DISP1: variants seen among roughly 807,000 people sequenced by gnomAD.
DISP1 encodes the protein dispatched RND transporter family member 1, also known as protein dispatched homolog 1.
A neutral mutation model predicts 37.3 loss-of-function variants in DISP1; 30 were observed. The observed-to-expected ratio is 0.80, with a 90% CI of 0.60 to 1.09. DISP1 has a LOEUF of 1.09. DISP1 is among the 50% of genes least tolerant of loss of function. The probability of loss-of-function intolerance (pLI) is 0.00; values close to 1 mark genes in which losing one functional copy is unlikely to be tolerated. For missense variants in DISP1, 1,598 were observed against 1,879.5 expected (o/e 0.85, Z 2.77); for synonymous variants, 634 against 690.2 (o/e 0.92, Z 1.28).
In DISP1 at chr1:222,889,916, A is replaced by G. The variant is rs528875660; in HGVS notation, c.-158-38514A>G. ...TCATAGCTTAGAGCTGTGCCTTTCA[A>G]GCTGTTTTATTGGCATATGTTTCTA... is the stretch of plus-strand genomic sequence containing the variant. On this transcript the variant is annotated intron_variant, in intron 1 of 8. Transcript: ENST00000675850. 2.6e-5 allele frequency among the ~76,000 whole-genome samples: 4 copies of G among 152,260 alleles called. No homozygotes were observed. The East Asian group carries it at 7.7e-4, about 29-fold the overall frequency.
chr1:223,004,875 A>G lies in DISP1; in HGVS notation c.3478A>G (p.Thr1160Ala), dbSNP rs774640911. The G allele has an allele frequency of 3.1e-6, 5 of 1,609,158 alleles. No homozygotes were observed. Among genetic ancestry groups the G allele is most frequent in the East Asian group, 2.2e-5 (1 of 44,882 alleles). Reference sequence around the variant, plus strand: ...CAGTGCCTTTTCCCATGCCTTGTCTACAAGTCCCAGTGACAAGGGACAAAG... The same window carrying G: ...CAGTGCCTTTTCCCATGCCTTGTCTGCAAGTCCCAGTGACAAGGGACAAAG... The part of the protein sequence containing the change: ...QCSAFSHALS[T>A]SPSDKGQSKT... The change falls in exon 9 of 9, where the codon ACA (threonine) becomes GCA (alanine). Residue 1160 changes from threonine (T) to alanine (A), a missense_variant. Physicochemically the swap from Thr to Ala is moderately conservative, Grantham distance 58 (BLOSUM62 0). Coordinates refer to ENST00000675850, the MANE Select transcript of DISP1 (RefSeq NM_001377229.1). The surrounding 1 kb of genome is among the most constrained non-coding windows in gnomAD (Gnocchi z 4.9).
chr1:222,928,932 A>G (rs1187357208), intron 2 of DISP1, among the ~76,000 whole-genome samples: 2 of 152,196 alleles, frequency 1.3e-5, no homozygotes, highest in African/African-American at 4.8e-5. Context: ...AAAATTTTCA[A>G]AATATGTGCT....
intron 1 of DISP1, among the ~76,000 whole-genome samples, chr1:222,903,982 G>A (rs535235886): frequency 1.6e-4 from 25 of 152,274 alleles, no homozygotes; most frequent in African/African-American, 4.8e-4. Context: ...CAGTGTTTGC[G>A]TGGCAGCCTT....
chr1:222,995,860 G>A (rs1306083123), intron 8 of DISP1, among the ~76,000 whole-genome samples: 1 of 152,136 alleles, frequency 6.6e-6, no homozygotes, highest in African/African-American at 2.4e-5. Context: ...GCAATCACCT[G>A]TTCGGTCAAC....
At chr1:222,851,556 A>C (rs2125310030) in intron 1 of DISP1, among the ~76,000 whole-genome samples, 1 of 152,276 alleles carries the variant, frequency 6.6e-6, no homozygotes, top group African/African-American at 2.4e-5. Context: ...AAAAAGTGTT[A>C]CTCAGCACAT....
At chr1:222,996,908 A>G (rs903777499) in intron 8 of DISP1, among the ~76,000 whole-genome samples, 2 of 152,056 alleles carry the variant, frequency 1.3e-5, no homozygotes, top group Non-Finnish European at 2.9e-5. Flanking sequence ...TTTTTTCTTA[A>G]AGAGCTAGCA....
chr1:222,880,570 C>T (rs769938163), intron 1 of DISP1, among the ~76,000 whole-genome samples: 10 of 152,192 alleles, frequency 6.6e-5, no homozygotes, highest in Non-Finnish European at 1.0e-4. Context: ...GGAATGCAGC[C>T]TGCACAGGCC....
At chr1:222,824,421 C>A (rs1033433481) in intron 1 of DISP1, among the ~76,000 whole-genome samples, 1 of 149,180 alleles carries the variant, frequency 6.7e-6, no homozygotes, top group Non-Finnish European at 1.5e-5. Flanking sequence ...TATTTTAAAG[C>A]CCTTCTGCTT....
intron 1 of DISP1, among the ~76,000 whole-genome samples, chr1:222,847,753 A>G (rs900733996): frequency 6.6e-6 from 1 of 152,164 alleles, no homozygotes; most frequent in Non-Finnish European, 1.5e-5. Context: ...AGGGAGAAGG[A>G]TAAAAGGGAA....
chr1:222,975,662 A>C (rs113042323), intron 3 of DISP1, among the ~76,000 whole-genome samples: 5,443 of 152,178 alleles, frequency 0.036, 328 homozygotes, highest in African/African-American at 0.12. Context: ...AGAACTTTAC[A>C]GTCTCATTAG....
At chr1:222,936,906 A>AT (rs1245537583) in intron 2 of DISP1, among the ~76,000 whole-genome samples, 2 of 52,708 alleles carry the variant, frequency 3.8e-5, no homozygotes, top group East Asian at 4.6e-4. Flanking sequence ...ATTTATATAT[A>AT]ATATATTATA....
intron 3 of DISP1, among the ~76,000 whole-genome samples, chr1:222,972,585 A>G (rs1406769220): frequency 6.6e-6 from 1 of 152,142 alleles, no homozygotes; most frequent in African/African-American, 2.4e-5. Context: ...GACTTTGCTT[A>G]TAGGTATTGA....
chr1:222,944,450 A>T (rs370923862), intron 3 of DISP1, among the ~76,000 whole-genome samples: 11 of 49,136 alleles, frequency 2.2e-4, no homozygotes, highest in African/African-American at 3.2e-4. Flanking sequence ...TAAGTAATAA[A>T]AAGTTTAACT....
At chr1:222,952,504 T>C (rs538259293) in intron 3 of DISP1, among the ~76,000 whole-genome samples, 1 of 152,326 alleles carries the variant, frequency 6.6e-6, no homozygotes, top group Non-Finnish European at 1.5e-5. Context: ...TAGTATTTGC[T>C]TGTGTTTTGT....
chr1:222,883,255 G>A (rs1670378907), intron 1 of DISP1, among the ~76,000 whole-genome samples: 1 of 151,998 alleles, frequency 6.6e-6, no homozygotes, highest in South Asian at 2.1e-4. Flanking sequence ...TAACAGTACC[G>A]CCACCACCAC....
In DISP1 at chr1:223,003,767, C is replaced by A; in HGVS notation, c.2370C>A (p.Ile790=). The change falls in exon 9 of 9, where the codon ATC becomes ATA. Residue 790 remains isoleucine (I), a synonymous_variant. Coordinates refer to ENST00000675850, the MANE Select transcript of DISP1 (RefSeq NM_001377229.1). The surrounding 1 kb of genome is among the most constrained non-coding windows in gnomAD (Gnocchi z 4.3). Reference sequence around the variant, plus strand: ...AGCTCCACATGCCCATCACAGTAATCTGGGGCGTGTCCCCAGAAGACAATG... The same window carrying A: ...AGCTCCACATGCCCATCACAGTAATATGGGGCGTGTCCCCAGAAGACAATG... The part of the protein sequence containing the change: ...GEELHMPITV[I]WGVSPEDNGN... 4.3e-6 allele frequency: 7 copies of A among 1,614,164 alleles called. No homozygotes were observed. The highest frequency in any genetic ancestry group is 1.3e-5 in the African/African-American group (1 of 75,042).
intron 1 of DISP1, among the ~76,000 whole-genome samples, chr1:222,866,204 G>A (rs944583172): frequency 2.6e-5 from 4 of 152,102 alleles, no homozygotes; most frequent in Non-Finnish European, 5.9e-5. Context: ...TTTTCTTTCT[G>A]TCACTCCCTT....
intron 1 of DISP1, among the ~76,000 whole-genome samples, chr1:222,889,433 T>G (rs567761064): frequency 6.6e-6 from 1 of 152,154 alleles, no homozygotes; most frequent in Non-Finnish European, 1.5e-5. Flanking sequence ...TCAAGAGATT[T>G]TCTGATTAAA....
At chr1:222,872,786 T>G (rs1351568352) in intron 1 of DISP1, among the ~76,000 whole-genome samples, 3 of 152,240 alleles carry the variant, frequency 2.0e-5, no homozygotes, top group African/African-American at 7.2e-5. Flanking sequence ...AGTTCTGCTC[T>G]GATCTTAGTT....
Sources: gnomAD v4.1 joint callset for allele counts (sites outside exome capture counted in the v4.1 genomes callset) on GRCh38, gnomAD v4.1.1 for gene constraint, Gnocchi (gnomAD v3.1) non-coding constraint, MANE v1.5 for transcripts, NCBI Gene and HGNC (gene_info 2026-07-23, HGNC 2026-07-21) for gene names.